MYT1L: variants seen among roughly 807,000 people sequenced by gnomAD.
MYT1L encodes the protein myelin transcription factor 1 like, also known as myelin transcription factor 1-like protein.
Under a neutral mutation model 126.7 loss-of-function variants are expected in MYT1L, and 12 were observed. The ratio of observed to expected loss-of-function variants is 0.09; its 90% CI spans 0.06 to 0.15. The LOEUF is 0.15. Ranked by LOEUF, MYT1L falls within the 10% of genes least tolerant of loss-of-function variation. The probability of loss-of-function intolerance (pLI) is 1.00; values close to 1 mark genes in which losing one functional copy is unlikely to be tolerated. For synonymous variants in MYT1L, 541 were observed against 604.2 expected, an observed-to-expected ratio of 0.90 and a Z score of 1.53; for missense variants, 979 against 1,585.2, an observed-to-expected ratio of 0.62 and a Z score of 6.49.
At chr2:2,001,237 CTTTT>C (rs11389323) in intron 4 of MYT1L, among the ~76,000 whole-genome samples, 1 of 103,910 alleles carries the variant, frequency 9.6e-6, no homozygotes, top group African/African-American at 3.8e-5. Context: ...TTGGTTTTAG[CTTTT>C]TTTTTTTTTT....
Position 1,979,150 on chromosome 2 carries a change from A to T in MYT1L, c.152+15T>A. ...TTTAGACAGCACATTGTGGAAAAAAAAATGCAGGCATTACCTTCTGTGTCT... is the reference window on the plus strand; with the variant it reads ...TTTAGACAGCACATTGTGGAAAAAATAATGCAGGCATTACCTTCTGTGTCT... On this transcript the variant is annotated intron_variant, in intron 8 of 24. Transcript: ENST00000647738. The surrounding 1 kb of genome is among the most constrained non-coding windows in gnomAD (Gnocchi z 4.0). 6.2e-7 allele frequency: 1 copy of T among 1,609,600 alleles called. No individual in the cohort carries two copies. The highest frequency in any genetic ancestry group is 8.5e-7 in the Non-Finnish European group (1 of 1,177,392).
chr2:2,002,724 TC>T (rs545916746), intron 4 of MYT1L, among the ~76,000 whole-genome samples: 16 of 152,246 alleles, frequency 1.1e-4, no homozygotes, highest in African/African-American at 3.1e-4. Flanking sequence ...TGAATTGTAA[TC>T]CCCATAGTCC....
intron 3 of MYT1L, among the ~76,000 whole-genome samples, chr2:2,071,930 T>A (rs2074653012): frequency 6.6e-6 from 1 of 152,060 alleles, no homozygotes; most frequent in African/African-American, 2.4e-5. Flanking sequence ...GAGAGCAGAT[T>A]TTAGTTTGGC....
intron 2 of MYT1L, among the ~76,000 whole-genome samples, chr2:2,247,339 G>T (rs2094553319): frequency 6.6e-6 from 1 of 152,200 alleles, no homozygotes; most frequent in African/African-American, 2.4e-5. Flanking sequence ...TATAAGAATT[G>T]CATATATATA....
At chr2:2,329,486 G>A (rs2096272013) in intron 1 of MYT1L, among the ~76,000 whole-genome samples, 1 of 152,006 alleles carries the variant, frequency 6.6e-6, no homozygotes, top group Non-Finnish European at 1.5e-5. Flanking sequence ...CTCTGAGAAA[G>A]CTGATGTCAC....
At chr2:1,980,343 T>A (rs2060513992) in intron 5 of MYT1L, among the ~76,000 whole-genome samples, 1 of 149,186 alleles carries the variant, frequency 6.7e-6, no homozygotes, top group Non-Finnish European at 1.5e-5. Context: ...CATATATATA[T>A]AATATTTAGA....
At chr2:2,212,228 T>TGA (rs1559352563) in intron 2 of MYT1L, among the ~76,000 whole-genome samples, 2 of 152,036 alleles carry the variant, frequency 1.3e-5, no homozygotes, top group Non-Finnish European at 2.9e-5. Context: ...ATATGGGCAT[T>TGA]TAACTTTGAA....
chr2:1,828,412 G>C (rs1208117289), intron 21 of MYT1L: 1 of 152,196 alleles, frequency 6.6e-6, no homozygotes, highest in Non-Finnish European at 1.5e-5. Flanking sequence ...AAGAGGTAAG[G>C]TGTGCTCCTC....
chr2:2,142,530 T>G (rs56027958), intron 3 of MYT1L, among the ~76,000 whole-genome samples: 3,461 of 152,228 alleles, frequency 0.023, 55 homozygotes, highest in Non-Finnish European at 0.036. Flanking sequence ...TGGGCTGTGT[T>G]GTACATGTTC....
rs772930151 is a variant in MYT1L, at chr2:2,153,496, G to A, written c.-304+19376C>T. Among the ~76,000 whole-genome samples the A allele has an allele frequency of 5.2e-4, 79 of 152,174 alleles. 1 individual carries two copies. Among genetic ancestry groups the A allele is most frequent in the Non-Finnish European group, 1.6e-4 (11 of 68,038 alleles). On this transcript the variant is annotated intron_variant, in intron 3 of 24. Coordinates refer to ENST00000647738, the MANE Select transcript of MYT1L (RefSeq NM_001303052.2). Reference sequence around the variant, plus strand: ...TGAGACTGGATGAGAATCATGGGAGGGCTCATGTGGGGGCGCAGGGGCTGA... The same window carrying A: ...TGAGACTGGATGAGAATCATGGGAGAGCTCATGTGGGGGCGCAGGGGCTGA...
intron 2 of MYT1L, among the ~76,000 whole-genome samples, chr2:2,277,983 T>C (rs2095390873): frequency 6.6e-6 from 1 of 152,268 alleles, no homozygotes; most frequent in Non-Finnish European, 1.5e-5. Context: ...AAGTTATTTC[T>C]GCTTTTGGTT....
chr2:2,105,489 T>C (rs1459215644), intron 3 of MYT1L, among the ~76,000 whole-genome samples: 1 of 152,248 alleles, frequency 6.6e-6, no homozygotes, highest in African/African-American at 2.4e-5. Context: ...GTTTTTCTCC[T>C]CTTTATTTCT....
chr2:2,296,791 G>A (rs987522498), intron 1 of MYT1L, among the ~76,000 whole-genome samples: 1 of 152,142 alleles, frequency 6.6e-6, no homozygotes, highest in Admixed American at 6.5e-5. Flanking sequence ...ACACCATACA[G>A]TGCACTGCGT....
chr2:1,971,591 C>T (rs1230529068), intron 8 of MYT1L, among the ~76,000 whole-genome samples: 1 of 152,074 alleles, frequency 6.6e-6, no homozygotes, highest in African/African-American at 2.4e-5. Context: ...ATTAGCCAGG[C>T]GTGGTGGCAT....
intron 3 of MYT1L, among the ~76,000 whole-genome samples, chr2:2,104,233 G>A (rs1395406048): frequency 6.6e-6 from 1 of 152,166 alleles, no homozygotes; most frequent in African/African-American, 2.4e-5. Flanking sequence ...GAAAAAGGGA[G>A]TCAACTAGCA....
chr2:2,099,349 T>C (rs1575151674), intron 3 of MYT1L, among the ~76,000 whole-genome samples: 2 of 152,196 alleles, frequency 1.3e-5, no homozygotes, highest in East Asian at 1.9e-4. Context: ...CATTTGTTTT[T>C]TTTTTTTCTC....
chr2:2,136,338 G>T (rs560078056), intron 3 of MYT1L, among the ~76,000 whole-genome samples: 1 of 152,298 alleles, frequency 6.6e-6, no homozygotes, highest in South Asian at 2.1e-4. Flanking sequence ...AAGGAGCGAG[G>T]AATTTAAATT....
chr2:2,275,245 T>TGTGTGTGTGC (rs1491327313), intron 2 of MYT1L, among the ~76,000 whole-genome samples: 1 of 148,020 alleles, frequency 6.8e-6, no homozygotes, highest in Non-Finnish European at 1.5e-5. Context: ...TGTGTGTGTG[T>TGTGTGTGTGC]GCATGCCTGT....
chr2:2,046,290 T>TC (rs1290006388), intron 4 of MYT1L, among the ~76,000 whole-genome samples: 1 of 152,202 alleles, frequency 6.6e-6, no homozygotes, highest in African/African-American at 2.4e-5. Context: ...CATGGTTTTT[T>TC]CACCCTGTAC....
Sources: gnomAD v4.1 joint callset for allele counts (sites outside exome capture counted in the v4.1 genomes callset) on GRCh38, gnomAD v4.1.1 for gene constraint, Gnocchi (gnomAD v3.1) non-coding constraint, MANE v1.5 for transcripts, NCBI Gene and HGNC (gene_info 2026-07-23, HGNC 2026-07-21) for gene names.